Variants in POU6F2 observed in about 807,000 individuals in gnomAD.
POU6F2 encodes POU class 6 homeobox 2.
POU6F2 carries 31 observed loss-of-function variants against 71.3 expected under a neutral mutation model. The ratio of observed to expected loss-of-function variants is 0.43; its 90% CI spans 0.33 to 0.59. The LOEUF (loss-of-function observed/expected upper bound fraction) is 0.59. Among genes scored for constraint, POU6F2 ranks in the 20% least tolerant of loss-of-function variants. The probability of loss-of-function intolerance (pLI) is 0.04; values close to 1 mark genes in which losing one functional copy is unlikely to be tolerated. For missense variants in POU6F2, 783 were observed against 856.8 expected (o/e 0.91, Z 1.07); for synonymous variants, 347 against 355.7 (o/e 0.98, Z 0.27).
chr7:39,397,932 CCT>C (rs1787212384), intron 5 of POU6F2, among the ~76,000 whole-genome samples: 2 of 151,432 alleles, frequency 1.3e-5, no homozygotes, highest in Non-Finnish European at 2.9e-5. Flanking sequence ...AATTCTCCTG[CCT>C]CAGCCTCCCA....
chr7:39,447,782 A>C (rs1407676199), intron 7 of POU6F2, among the ~76,000 whole-genome samples: 1 of 152,188 alleles, frequency 6.6e-6, no homozygotes, highest in Non-Finnish European at 1.5e-5. Flanking sequence ...TTCTTTTGGT[A>C]AATTATTCCA....
At chr7:38,988,167 C>T (rs1042002878) in intron 1 of POU6F2, among the ~76,000 whole-genome samples, 1 of 152,012 alleles carries the variant, frequency 6.6e-6, no homozygotes, top group Non-Finnish European at 1.5e-5. Flanking sequence ...AGCCATATTG[C>T]TAAGGAGTGG....
intron 2 of POU6F2, among the ~76,000 whole-genome samples, chr7:39,137,369 C>A (rs1482169297): frequency 6.6e-6 from 1 of 152,048 alleles, no homozygotes; most frequent in Non-Finnish European, 1.5e-5. Context: ...TAAATTACAG[C>A]ACCTCCATAC....
intron 1 of POU6F2, among the ~76,000 whole-genome samples, chr7:39,027,880 G>A (rs1324043832): frequency 2.6e-5 from 4 of 152,080 alleles, no homozygotes; most frequent in South Asian, 4.1e-4. Context: ...TTTTCTACCT[G>A]GGGTACAAGT....
intron 6 of POU6F2, among the ~76,000 whole-genome samples, chr7:39,428,540 A>G (rs1191523274): frequency 6.6e-6 from 1 of 152,218 alleles, no homozygotes; most frequent in Non-Finnish European, 1.5e-5. Context: ...AAAAATTTCT[A>G]ATGTTGCAAC....
At chr7:39,421,370 A>C (rs370383571) in intron 6 of POU6F2, among the ~76,000 whole-genome samples, 6 of 152,334 alleles carry the variant, frequency 3.9e-5, no homozygotes, top group South Asian at 4.1e-4. Flanking sequence ...ACAACAATGG[A>C]TATTCTCTTC....
chr7:39,182,822 T>C (rs1185085388), intron 2 of POU6F2, among the ~76,000 whole-genome samples: 9 of 152,336 alleles, frequency 5.9e-5, no homozygotes, highest in African/African-American at 1.9e-4. Flanking sequence ...TGTGTCTCTT[T>C]CTTGAGCATC....
rs1785879323 is a variant in POU6F2 at position 39,340,001 on chromosome 7, C to T, written c.958C>T (p.Pro320Ser). 1 of 1,610,342 alleles carries T rather than the reference C, an allele frequency of 6.2e-7. No individual in the cohort carries two copies. The highest frequency in any genetic ancestry group is 1.3e-5 in the African/African-American group (1 of 74,862). ...TGGCCTGCCTTCACCGCTCACGCCA[C>T]CCAATCCTCTACAGGTATGCTCCCC... Reference protein sequence around the residue: ...GHGLPSPLTPPNPLQLVNNPL... With the variant: ...GHGLPSPLTPSNPLQLVNNPL... Residue 320 changes from proline (P) to serine (S), a missense_variant, in exon 5 of 10, where the codon CCC (proline) becomes TCC (serine). Transcript: ENST00000518318.
intron 2 of POU6F2, among the ~76,000 whole-genome samples, chr7:39,142,930 G>C (rs931785560): frequency 6.6e-6 from 1 of 152,092 alleles, no homozygotes; most frequent in African/African-American, 2.4e-5. Flanking sequence ...CTAACAGACA[G>C]TTAAAGCAAT....
intron 9 of POU6F2, among the ~76,000 whole-genome samples, chr7:39,461,430 A>G (rs528134972): frequency 6.6e-6 from 1 of 152,294 alleles, no homozygotes; most frequent in East Asian, 1.9e-4. Context: ...CACTAATCCC[A>G]TGTTTATGCA....
In POU6F2 at chr7:39,001,374, G is replaced by C. The variant is rs565873735; in HGVS notation, c.105+23316G>C. On this transcript the variant is annotated intron_variant, in intron 1 of 9. Coordinates refer to ENST00000518318, the MANE Select transcript of POU6F2 (RefSeq NM_001370959.1). ...TGTTATGGGTCAGGCATCTATCCTG[G>C]GGATAGAAGATTACTAAGATAACTG... 9.2e-5 allele frequency among the ~76,000 whole-genome samples: 14 copies of C among 152,098 alleles called. No homozygotes were observed. The South Asian group carries it at 2.9e-3, about 32-fold the overall frequency.
intron 4 of POU6F2, among the ~76,000 whole-genome samples, chr7:39,294,136 T>A (rs960265591): frequency 6.6e-6 from 1 of 151,828 alleles, no homozygotes; most frequent in African/African-American, 2.4e-5. Context: ...GAATCAGGTC[T>A]AGTGAGATCA....
At chr7:39,252,349 G>A (rs1783937365) in intron 4 of POU6F2, among the ~76,000 whole-genome samples, 4 of 150,506 alleles carry the variant, frequency 2.7e-5, no homozygotes. Context: ...AAGTTTTGCA[G>A]CCTCTCCAGA....
Position 39,339,843 on chromosome 7 carries a change from C to G in POU6F2, c.800C>G (p.Pro267Arg). The G allele has an allele frequency of 6.2e-7, 1 of 1,604,324 alleles. No individual in the cohort carries two copies. The highest frequency in any genetic ancestry group is 8.5e-7 in the Non-Finnish European group (1 of 1,175,286). Residue 267 changes from proline to arginine, a missense_variant, in exon 5 of 10, where the codon CCT becomes CGT. Pro to Arg is a moderately radical substitution (Grantham distance 103, BLOSUM62 -2). Around this residue, in one of 2 missense-constraint regions of POU6F2, gnomAD observed 572 missense variants for 572.9 expected, o/e 1.00. Transcript: ENST00000518318. Reference sequence around the variant, plus strand: ...CCCGCCTCTCAGCAGCCGCCAGCTCCTACATCTCAGCTGCAACAGGCGCCT... The same window carrying G: ...CCCGCCTCTCAGCAGCCGCCAGCTCGTACATCTCAGCTGCAACAGGCGCCT... ...PPPASQQPPA[P>R]TSQLQQAPQP...
intron 1 of POU6F2, among the ~76,000 whole-genome samples, chr7:39,007,457 C>A (rs1356367810): frequency 6.6e-6 from 1 of 152,178 alleles, no homozygotes; most frequent in Non-Finnish European, 1.5e-5. Context: ...AGACCTAGGT[C>A]ACTGATGATG....
chr7:39,321,967 T>C (rs1412978316), intron 4 of POU6F2, among the ~76,000 whole-genome samples: 1 of 144,834 alleles, frequency 6.9e-6, no homozygotes, highest in Non-Finnish European at 1.5e-5. Context: ...AGACAAACAA[T>C]GAGAGCCTTC....
chr7:39,430,803 C>T (rs1788082853), intron 6 of POU6F2, among the ~76,000 whole-genome samples: 1 of 152,172 alleles, frequency 6.6e-6, no homozygotes, highest in Admixed American at 6.5e-5. Flanking sequence ...ATGCATCCAG[C>T]TTCCACAGGC....
intron 2 of POU6F2, among the ~76,000 whole-genome samples, chr7:39,104,903 G>A (rs994698717): frequency 1.3e-5 from 2 of 152,214 alleles, no homozygotes; most frequent in African/African-American, 4.8e-5. Flanking sequence ...TTAAATGGGA[G>A]ATAATGTCTG....
rs550271576 is a variant in POU6F2, at chr7:39,343,310, C to T, written c.972+3295C>T. On this transcript the variant is annotated intron_variant, in intron 5 of 9. Coordinates refer to ENST00000518318, the MANE Select transcript of POU6F2 (RefSeq NM_001370959.1). ...TATTTTTGCTCAAACCCACAGTCCA[C>T]AGGCTGTGCCTGAATCTAAAACTAA... Among the ~76,000 whole-genome samples the T allele has an allele frequency of 1.3e-3, 205 of 151,904 alleles. 1 individual carries two copies. Among genetic ancestry groups the T allele is most frequent in the African/African-American group, 4.5e-3 (185 of 41,400 alleles).
Sources: gnomAD v4.1 joint callset for allele counts (sites outside exome capture counted in the v4.1 genomes callset) on GRCh38, gnomAD v4.1.1 for gene constraint, gnomAD v4.1.1 regional missense constraint, MANE v1.5 for transcripts, NCBI Gene and HGNC (gene_info 2026-07-23, HGNC 2026-07-21) for gene names.